Variants in WDR72 observed in about 807,000 individuals in gnomAD.
The protein encoded by WDR72 is WD repeat domain 72.
Under a neutral mutation model 124.2 loss-of-function variants are expected in WDR72, and 120 were observed. The observed-to-expected ratio is 0.97, with a 90% CI of 0.83 to 1.12. The LOEUF (loss-of-function observed/expected upper bound fraction) is 1.12. WDR72 is among the 50% of genes most tolerant of loss of function. WDR72 has a pLI of 0.00. For missense variants in WDR72, 1,387 were observed against 1,278.8 expected (o/e 1.08, Z -1.29); for synonymous variants, 452 against 441.7 (o/e 1.02, Z -0.29).
intron 9 of WDR72, among the ~76,000 whole-genome samples, chr15:53,708,384 C>T (rs2017443810): frequency 1.3e-5 from 2 of 152,110 alleles, no homozygotes; most frequent in Admixed American, 6.5e-5. Flanking sequence ...TAAAAGCACC[C>T]GCTATATGGG....
intron 13 of WDR72, among the ~76,000 whole-genome samples, chr15:53,671,081 A>G (rs689763): frequency 0.095 from 14,514 of 152,192 alleles, 1,851 homozygotes; most frequent in African/African-American, 0.29. Flanking sequence ...ATTAAAGGCT[A>G]GATAATACTT....
At chr15:53,640,598 G>C (rs1401123764) in intron 14 of WDR72, among the ~76,000 whole-genome samples, 1 of 152,086 alleles carries the variant, frequency 6.6e-6, no homozygotes, top group Non-Finnish European at 1.5e-5. Flanking sequence ...AAAAAGCTAT[G>C]TTATCTTTAA....
intron 18 of WDR72, among the ~76,000 whole-genome samples, chr15:53,572,789 T>G (rs1894594163): frequency 6.6e-6 from 1 of 152,220 alleles, no homozygotes; most frequent in Non-Finnish European, 1.5e-5. Flanking sequence ...ATACATGTTG[T>G]GCTCCAGTTA....
At chr15:53,615,299 A>C (rs2013709041) in intron 15 of WDR72, 127 bp downstream of exon 15, 1 of 701,502 alleles carries the variant, frequency 1.4e-6, no homozygotes. Flanking sequence ...TTTAAACCAG[A>C]AATTGTTGCA....
In WDR72 at chr15:53,517,384, T is replaced by C. The variant is rs1891522294; in HGVS notation, c.*315A>G. On this transcript the variant is annotated 3_prime_UTR_variant, in exon 20 of 20. Transcript: ENST00000360509. ...AAGGATAGGAGAAAATTTAAAGCAGTATTAAATTTGTGTCTGTGGACTGGC... is the reference window on the plus strand; with the variant it reads ...AAGGATAGGAGAAAATTTAAAGCAGCATTAAATTTGTGTCTGTGGACTGGC... The C allele has an allele frequency of 2.9e-6, 1 of 344,810 alleles. No homozygotes were observed. The allele number at this position is 344,810 out of a possible 1,614,324, so 21.4% of individuals were successfully genotyped here.
chr15:53,592,381 C>T (rs1475893763), intron 18 of WDR72, among the ~76,000 whole-genome samples: 1 of 152,036 alleles, frequency 6.6e-6, no homozygotes, highest in African/African-American at 2.4e-5. Context: ...AGTCACAAAG[C>T]CTTTCCACAA....
intron 18 of WDR72, among the ~76,000 whole-genome samples, chr15:53,557,957 T>C (rs1247836344): frequency 2.0e-5 from 3 of 151,946 alleles, no homozygotes; most frequent in African/African-American, 4.8e-5. Context: ...GAAGTGTACA[T>C]TGGTATGGTT....
intron 3 of WDR72, among the ~76,000 whole-genome samples, chr15:53,722,499 A>G (rs960085229): frequency 6.6e-6 from 1 of 152,192 alleles, no homozygotes; most frequent in Non-Finnish European, 1.5e-5. Flanking sequence ...TGATTCTACA[A>G]TACTAGGCAT....
rs886051280 is a variant in WDR72 at position 53,514,229 on chromosome 15, G to A, written c.*3470C>T. The A allele has an allele frequency of 1.3e-5, 2 of 152,106 alleles. No individual in the cohort carries two copies. The highest frequency in any genetic ancestry group is 2.9e-5 in the Non-Finnish European group (2 of 68,012). 9.4% of individuals were successfully genotyped at this position (152,106 alleles called of 1,614,324 possible). On this transcript the variant is annotated 3_prime_UTR_variant, in exon 20 of 20. Transcript: ENST00000360509. The stretch of plus-strand genomic sequence containing the variant: ...ACAACTTTTGGCACTTTACATATAA[G>A]ACAACATTTTGTGGAGAATAAAGGA...
At chr15:53,544,080 G>A (rs1052302090) in intron 18 of WDR72, among the ~76,000 whole-genome samples, 3 of 142,472 alleles carry the variant, frequency 2.1e-5, no homozygotes, top group African/African-American at 5.3e-5. Flanking sequence ...TCTACCAGAG[G>A]TACAAGGAGG....
chr15:53,572,917 T>C (rs917246556), intron 18 of WDR72, among the ~76,000 whole-genome samples: 1 of 152,156 alleles, frequency 6.6e-6, no homozygotes, highest in African/African-American at 2.4e-5. Context: ...AAGTTTTCCA[T>C]AGGGATTGGG....
intron 18 of WDR72, among the ~76,000 whole-genome samples, chr15:53,564,557 G>A (rs1479970005): frequency 6.6e-6 from 1 of 151,866 alleles, no homozygotes; most frequent in Non-Finnish European, 1.5e-5. Context: ...AGCCCTAAGA[G>A]AATATTAGCA....
At chr15:53,691,884 G>A (rs373726208) in intron 13 of WDR72, among the ~76,000 whole-genome samples, 1 of 152,186 alleles carries the variant, frequency 6.6e-6, no homozygotes, top group African/African-American at 2.4e-5. Context: ...CAGATTAAAG[G>A]TGAATAATTA....
intron 14 of WDR72, among the ~76,000 whole-genome samples, chr15:53,626,421 T>A (rs1354167040): frequency 2.0e-5 from 3 of 152,118 alleles, no homozygotes; most frequent in African/African-American, 7.2e-5. Flanking sequence ...GCGGACACCC[T>A]GCCGGATCCA....
At chr15:53,761,401 C>T (rs1194699874), upstream of WDR72, among the ~76,000 whole-genome samples, 1 of 152,148 alleles carries the variant, frequency 6.6e-6, no homozygotes, top group African/African-American at 2.4e-5. Context: ...CTATGGAGAA[C>T]AGTTTGAAGC....
rs1439009788 is a variant in WDR72 at position 53,699,847 on chromosome 15, G to T, written c.1668C>A (p.His556Gln). 7 of 1,614,068 alleles carry T rather than the reference G, an allele frequency of 4.3e-6. No homozygotes were observed. Among genetic ancestry groups the T allele is most frequent in the Non-Finnish European group, 5.9e-6 (7 of 1,180,014 alleles). Residue 556 changes from histidine to glutamine, a missense_variant, in exon 13 of 20, where the codon CAC becomes CAA. His to Gln is a conservative substitution (Grantham distance 24, BLOSUM62 0). Coordinates refer to ENST00000360509, the MANE Select transcript of WDR72 (RefSeq NM_182758.4). ...GKSCLLHARK[H>Q]LFPVRMIKWH... Reference sequence around the variant, plus strand: ...ATTTTATCATCCTCACAGGAAAAAGGTGCTTCCGGGCATGCAGGAGGCAAC... The same window carrying T: ...ATTTTATCATCCTCACAGGAAAAAGTTGCTTCCGGGCATGCAGGAGGCAAC...
intron 13 of WDR72, among the ~76,000 whole-genome samples, chr15:53,688,831 T>G (rs1476578410): frequency 6.6e-6 from 1 of 151,840 alleles, no homozygotes; most frequent in Non-Finnish European, 1.5e-5. Context: ...AAGGCTACAG[T>G]AACCAAAACA....
In WDR72 at chr15:53,514,576, G is replaced by A. The variant is rs1297810268; in HGVS notation, c.*3123C>T. ...AAGTCACCAAATGCTATCATCTAAA[G>A]ATAGAATATTAATATTTAACAAACT... On this transcript the variant is annotated 3_prime_UTR_variant, in exon 20 of 20. Transcript: ENST00000360509. 1 of 152,074 alleles carries A rather than the reference G, an allele frequency of 6.6e-6. No homozygotes were observed. The highest frequency in any genetic ancestry group is 2.4e-5 in the African/African-American group (1 of 41,408). 9.4% of individuals were successfully genotyped at this position (152,074 alleles called of 1,614,324 possible).
At chr15:53,525,084 C>T (rs956811399) in intron 18 of WDR72, among the ~76,000 whole-genome samples, 1 of 151,984 alleles carries the variant, frequency 6.6e-6, no homozygotes, top group African/African-American at 2.4e-5. Context: ...GGATGTGTGG[C>T]CTAAGTAGTT....
Sources: allele counts gnomAD v4.1 joint callset (sites outside exome capture counted in the v4.1 genomes callset), GRCh38; gene constraint gnomAD v4.1.1; transcripts MANE v1.5; gene names NCBI Gene and HGNC (gene_info 2026-07-23, HGNC 2026-07-21).